TMEM132C: variants seen among roughly 807,000 people sequenced by gnomAD.
TMEM132C encodes transmembrane protein 132C.
Under a neutral mutation model 61.4 loss-of-function variants are expected in TMEM132C, and 29 were observed. The observed-to-expected ratio is 0.47, with a 90% CI of 0.35 to 0.64. The LOEUF (loss-of-function observed/expected upper bound fraction) is 0.64, where lower values mean the gene tolerates loss of function less well. TMEM132C is among the 30% of genes least tolerant of loss of function. The pLI, the probability that TMEM132C is intolerant of heterozygous loss-of-function variation, is 0.00. For missense variants in TMEM132C, 1,408 were observed against 1,476.9 expected (o/e 0.95, Z 0.76); for synonymous variants, 656 against 633.1 (o/e 1.04, Z -0.54).
chr12:128,362,197 G>T (rs1483021057), intron 1 of TMEM132C, among the ~76,000 whole-genome samples: 2 of 152,018 alleles, frequency 1.3e-5, no homozygotes, highest in African/African-American at 4.8e-5. Flanking sequence ...TTTCCCAAAG[G>T]CAAAATATAA....
chr12:128,456,091 G>A (rs748664102), intron 2 of TMEM132C, among the ~76,000 whole-genome samples: 4 of 152,108 alleles, frequency 2.6e-5, no homozygotes, highest in Non-Finnish European at 5.9e-5. Context: ...GAGTGAAGGA[G>A]AGAGGAGGAC....
At chr12:128,593,670 A>G (rs1324877952) in intron 3 of TMEM132C, among the ~76,000 whole-genome samples, 1 of 152,112 alleles carries the variant, frequency 6.6e-6, no homozygotes, top group Non-Finnish European at 1.5e-5. Context: ...GTGTGAGCTG[A>G]GGCACATTCG....
At chr12:128,618,315 A>G (rs1876875935) in intron 4 of TMEM132C, among the ~76,000 whole-genome samples, 1 of 152,120 alleles carries the variant, frequency 6.6e-6, no homozygotes, top group South Asian at 2.1e-4. Flanking sequence ...TTGTGTTTTC[A>G]TAATGCCTTT....
intron 3 of TMEM132C, among the ~76,000 whole-genome samples, chr12:128,583,322 G>A (rs1219840253): frequency 6.6e-6 from 1 of 151,648 alleles, no homozygotes; most frequent in Non-Finnish European, 1.5e-5. Context: ...AAAATGCAAA[G>A]GCATGCAATG....
intron 1 of TMEM132C, among the ~76,000 whole-genome samples, chr12:128,275,135 C>T (rs1465501616): frequency 6.6e-6 from 1 of 152,146 alleles, no homozygotes; most frequent in East Asian, 1.9e-4. Flanking sequence ...TTTTCTGAGC[C>T]TCAGTTTTGT....
At chr12:128,629,971 A>T (rs77167367) in intron 4 of TMEM132C, among the ~76,000 whole-genome samples, 3 of 49,994 alleles carry the variant, frequency 6.0e-5, no homozygotes, top group East Asian at 2.9e-4. Context: ...CGTCTAAATT[A>T]AAAAAAAAAA....
chr12:128,686,454 A>G (rs1293720774), intron 5 of TMEM132C, among the ~76,000 whole-genome samples: 1 of 152,212 alleles, frequency 6.6e-6, no homozygotes, highest in Admixed American at 6.5e-5. Flanking sequence ...ATTACTGGGC[A>G]TGGTGGTGTG....
chr12:128,643,793 G>A (rs912337810), intron 4 of TMEM132C, among the ~76,000 whole-genome samples: 41 of 151,970 alleles, frequency 2.7e-4, no homozygotes, highest in African/African-American at 8.7e-4. Context: ...TTTTTTGGTT[G>A]ATGATAAGCC....
intron 1 of TMEM132C, among the ~76,000 whole-genome samples, chr12:128,333,555 TGA>T (rs1214514890): frequency 3.3e-5 from 5 of 151,878 alleles, no homozygotes; most frequent in Admixed American, 1.3e-4. Flanking sequence ...CATGTATGTG[TGA>T]GTGTTGGTTG....
intron 1 of TMEM132C, among the ~76,000 whole-genome samples, chr12:128,355,848 C>T (rs147646079): frequency 3.4e-4 from 52 of 152,186 alleles, no homozygotes; most frequent in East Asian, 3.1e-3. Flanking sequence ...TTAAATGCCA[C>T]GTGCTTAGTG....
intron 1 of TMEM132C, among the ~76,000 whole-genome samples, chr12:128,386,332 A>G (rs1431262015): frequency 6.6e-6 from 1 of 152,182 alleles, no homozygotes; most frequent in Non-Finnish European, 1.5e-5. Flanking sequence ...GACTGATGGA[A>G]GGGCCAACGC....
intron 2 of TMEM132C, among the ~76,000 whole-genome samples, chr12:128,481,895 T>G (rs556811069): frequency 2.0e-5 from 3 of 152,154 alleles, no homozygotes; most frequent in Non-Finnish European, 2.9e-5. Flanking sequence ...GCAAAGCTGC[T>G]GAGAAGCCTT....
intron 4 of TMEM132C, among the ~76,000 whole-genome samples, chr12:128,622,148 A>G (rs1231565445): frequency 6.6e-6 from 1 of 151,558 alleles, no homozygotes; most frequent in Non-Finnish European, 1.5e-5. Context: ...GTTCAAAACC[A>G]GCCTGGCCAA....
At chr12:128,494,871 T>G (rs191001362) in intron 2 of TMEM132C, among the ~76,000 whole-genome samples, 1,728 of 152,056 alleles carry the variant, frequency 0.011, 42 homozygotes, top group African/African-American at 0.039. Flanking sequence ...CTTAGTTATT[T>G]CTTGCCTTCT....
At chr12:128,505,268 G>A (rs1872319066) in intron 2 of TMEM132C, among the ~76,000 whole-genome samples, 1 of 152,172 alleles carries the variant, frequency 6.6e-6, no homozygotes, top group African/African-American at 2.4e-5. Context: ...CAACAGTCTT[G>A]AGAGGGCACC....
intron 3 of TMEM132C, among the ~76,000 whole-genome samples, chr12:128,594,304 G>A (rs1019227537): frequency 6.6e-5 from 10 of 151,956 alleles, no homozygotes; most frequent in African/African-American, 9.7e-5. Context: ...GCTGAGCCAC[G>A]TGCTATGGGC....
intron 2 of TMEM132C, chr12:128,438,825 T>C (rs2136044837): frequency 6.6e-6 from 1 of 152,378 alleles, no homozygotes; most frequent in South Asian, 2.1e-4. Flanking sequence ...ATTTCCTATT[T>C]TGCATTTCTC....
intron 2 of TMEM132C, among the ~76,000 whole-genome samples, chr12:128,499,041 A>C (rs1398333665): frequency 6.6e-6 from 1 of 152,218 alleles, no homozygotes; most frequent in African/African-American, 2.4e-5. Context: ...CTGAAAATTT[A>C]TAGGGAAATA....
At chr12:128,322,264 A>G (rs774639537) in intron 1 of TMEM132C, among the ~76,000 whole-genome samples, 1 of 152,224 alleles carries the variant, frequency 6.6e-6, no homozygotes, top group Non-Finnish European at 1.5e-5. Context: ...CTGACAGTCC[A>G]GCTGAAAGAC....
Sources: gnomAD v4.1 joint callset for allele counts (sites outside exome capture counted in the v4.1 genomes callset) on GRCh38, gnomAD v4.1.1 for gene constraint, MANE v1.5 for transcripts, NCBI Gene and HGNC (gene_info 2026-07-23, HGNC 2026-07-21) for gene names.